The following HEXA variants were observed in gnomAD, a reference collection of about 807,000 sequenced individuals.
HEXA encodes beta-hexosaminidase subunit alpha.
HEXA carries 54 observed loss-of-function variants against 73.3 expected under a neutral mutation model. That is an observed-to-expected ratio of 0.74 (90% CI 0.59 to 0.92). The LOEUF (loss-of-function observed/expected upper bound fraction) is 0.92, where lower values mean the gene tolerates loss of function less well. HEXA is among the 40% of genes least tolerant of loss of function. The pLI is 0.00. For synonymous variants in HEXA, 230 were observed against 246.9 expected (o/e 0.93, Z 0.64); for missense variants, 649 against 653.0 (o/e 0.99, Z 0.07).
chr15:72,351,049 G>C, intron 6 of HEXA, 84 bp downstream of exon 6: 1 of 897,256 alleles, frequency 1.1e-6, no homozygotes, highest in Admixed American at 1.8e-5. Context: ...TGGTTAGGAT[G>C]AGAGACCCTG....
At chr15:72,360,544 C>T (rs1018727861) in intron 1 of HEXA, 2 of 152,260 alleles carry the variant, frequency 1.3e-5, no homozygotes, top group African/African-American at 4.8e-5. Context: ...TTCTCAGTCT[C>T]CTCTTGTATA....
At chr15:72,350,496 T>C in intron 7 of HEXA, 22 bp downstream of exon 7, 3 of 1,613,438 alleles carry the variant, frequency 1.9e-6, no homozygotes, top group African/African-American at 1.3e-5. Context: ...AGAGTCCCTC[T>C]GGTCCCAGAC....
intron 4 of HEXA, among the ~76,000 whole-genome samples, 185 bp from the exon 5 acceptor site, chr15:72,353,363 A>G (rs2088728166): frequency 6.6e-6 from 1 of 152,148 alleles, no homozygotes; most frequent in Admixed American, 6.5e-5. Context: ...CCAGAGAGCA[A>G]TTGTCCAACG....
chr15:72,361,488 C>G (rs1218601688), intron 1 of HEXA, among the ~76,000 whole-genome samples: 1 of 152,168 alleles, frequency 6.6e-6, no homozygotes, highest in Non-Finnish European at 1.5e-5. Context: ...TCCAAGCCAA[C>G]TCTTCTTCTG....
chr15:72,367,959 T>C (rs952131204), intron 1 of HEXA, among the ~76,000 whole-genome samples: 4 of 144,364 alleles, frequency 2.8e-5, no homozygotes, highest in Non-Finnish European at 4.6e-5. Context: ...AAGTACCTTG[T>C]GCTTCAGTTA....
chr15:72,371,060 T>G (rs1039536757), intron 1 of HEXA, among the ~76,000 whole-genome samples: 1 of 152,206 alleles, frequency 6.6e-6, no homozygotes, highest in Non-Finnish European at 1.5e-5. Context: ...GGTTAAAGTA[T>G]AGTTAGCCGC....
At chr15:72,346,804 G>T in intron 10 of HEXA, 94 bp from the exon 11 acceptor site, 1 of 1,154,758 alleles carries the variant, frequency 8.7e-7, no homozygotes, top group Non-Finnish European at 1.3e-6. Flanking sequence ...ACAGGTATGT[G>T]CTCCCTCTGT....
In HEXA at chr15:72,347,530, G is replaced by A. The variant is rs530849772; in HGVS notation, c.1146+156C>T. ...TTACAGGCGTGAGCCACTGCACCCAGCACTCTGTGGCCTTTCTAGAGAGAA... is the reference window on the plus strand; with the variant it reads ...TTACAGGCGTGAGCCACTGCACCCAACACTCTGTGGCCTTTCTAGAGAGAA... On this transcript the variant is annotated intron_variant, in intron 10 of 13. Transcript: ENST00000268097. Among the ~76,000 whole-genome samples, 5 of 152,292 alleles carry A rather than the reference G, an allele frequency of 3.3e-5. No individual in the cohort carries two copies. In the East Asian group the frequency reaches 9.7e-4, roughly 30 times the overall value.
At chr15:72,346,741 C>T (rs1425643961) in intron 10 of HEXA, 31 bp from the exon 11 acceptor site, 6 of 1,607,912 alleles carry the variant, frequency 3.7e-6, no homozygotes, top group African/African-American at 1.3e-5. Context: ...GCAGTAAGGA[C>T]ACAAAGCTGA....
Position 72,344,034 on chromosome 15 carries a change from C to G in HEXA, c.*43G>C. ...AGGATGCAGTGGAAGCCTGGCTCCA[C>G]TACCATTCACCTACAGCCAGCACCC... is the stretch of plus-strand genomic sequence containing the variant. On this transcript the variant is annotated 3_prime_UTR_variant, in exon 14 of 14. Transcript: ENST00000268097. The G allele has an allele frequency of 6.4e-7, 1 of 1,551,174 alleles. No individual in the cohort carries two copies.
At position 72,375,924 on chromosome 15, in the gene HEXA, C is replaced by G; in HGVS notation, c.49G>C (p.Ala17Pro). ...GGCCAGAGGGCCGTCGCCCGTCCTG[C>G]GAACGCTGCCGCCAGCAGCAGCGAA... The part of the protein sequence containing the change: ...WFSLLLAAAF[A>P]GRATALWPWP... Residue 17 changes from alanine (A) to proline (P), a missense_variant, in exon 1 of 14, where the codon GCA becomes CCA. Transcript: ENST00000268097. 6.2e-7 allele frequency: 1 copy of G among 1,614,112 alleles called. No individual in the cohort carries two copies. Among genetic ancestry groups the G allele is most frequent in the Non-Finnish European group, 8.5e-7 (1 of 1,180,042 alleles).
chr15:72,344,560 G>A (rs2088585999), intron 13 of HEXA, among the ~76,000 whole-genome samples: 1 of 152,296 alleles, frequency 6.6e-6, no homozygotes, highest in East Asian at 1.9e-4. Context: ...GGACTTAGGT[G>A]CTGTCCTGTC....
intron 10 of HEXA, among the ~76,000 whole-genome samples, chr15:72,347,449 T>A (rs1455275087): frequency 1.3e-5 from 2 of 151,738 alleles, no homozygotes; most frequent in South Asian, 4.2e-4. Flanking sequence ...GCCAGGCTGG[T>A]CTTGAACTCC....
intron 6 of HEXA, 68 bp from the exon 7 acceptor site, chr15:72,350,718 A>ACTCTTCTACTT: frequency 6.3e-7 from 1 of 1,591,122 alleles, no homozygotes; most frequent in Non-Finnish European, 8.6e-7. Context: ...GATACTCAAA[A>ACTCTTCTACTT]TGCCCACAAG....
intron 1 of HEXA, 114 bp from the exon 2 acceptor site, chr15:72,356,731 G>C (rs1362073250): frequency 6.7e-7 from 1 of 1,492,016 alleles, no homozygotes. Flanking sequence ...GGAAAGGGAG[G>C]ACATGGCATT....
At position 72,350,616 on chromosome 15, in the gene HEXA, G is replaced by A; in HGVS notation, c.707C>T (p.Ala236Val). 1 of 1,614,054 alleles carries A rather than the reference G, an allele frequency of 6.2e-7. No homozygotes were observed. Among genetic ancestry groups the A allele is most frequent in the South Asian group, 1.1e-5 (1 of 91,080 alleles). ...TTCAATGACCTCCTTCACATCCTGT[G>A]CTGTGTAGATGTGGGTGACAGGGTT... ...SYNPVTHIYT[A>V]QDVKEVIEYA... Residue 236 changes from alanine to valine, a missense_variant, in exon 7 of 14, where the codon GCA becomes GTA. Physicochemically the swap from Ala to Val is moderately conservative, Grantham distance 64. Coordinates refer to ENST00000268097, the MANE Select transcript of HEXA (RefSeq NM_000520.6).
At chr15:72,371,529 T>C (rs1207990141) in intron 1 of HEXA, among the ~76,000 whole-genome samples, 2 of 144,636 alleles carry the variant, frequency 1.4e-5, no homozygotes, top group Non-Finnish European at 1.5e-5. Flanking sequence ...GAGGCTGCAG[T>C]GGGCTGTGTT....
intron 1 of HEXA, chr15:72,357,464 A>C (rs1477049744): frequency 6.6e-6 from 1 of 152,310 alleles, no homozygotes; most frequent in East Asian, 1.9e-4. Context: ...AAAAATGCCA[A>C]AGCCAAAATA....
intron 1 of HEXA, among the ~76,000 whole-genome samples, chr15:72,374,695 G>A (rs562449056): frequency 1.3e-5 from 2 of 152,210 alleles, no homozygotes; most frequent in East Asian, 1.9e-4. Flanking sequence ...TTGTTGGCTC[G>A]ACTTACAAAT....
Sources: allele counts gnomAD v4.1 joint callset (sites outside exome capture counted in the v4.1 genomes callset), GRCh38; gene constraint gnomAD v4.1.1; transcripts MANE v1.5; gene names NCBI Gene and HGNC (gene_info 2026-07-23, HGNC 2026-07-21).